TOGARAM1: variants seen among roughly 807,000 people sequenced by gnomAD.
The protein encoded by TOGARAM1 is TOG array regulator of axonemal microtubules 1.
Under a neutral mutation model 166.6 loss-of-function variants are expected in TOGARAM1, and 100 were observed. The observed-to-expected ratio is 0.60, with a 90% CI of 0.51 to 0.71. The LOEUF is 0.71. TOGARAM1 is among the 30% of genes least tolerant of loss of function. The pLI is 0.00. For synonymous variants in TOGARAM1, 758 were observed against 763.8 expected (o/e 0.99, Z 0.13); for missense variants, 2,029 against 2,102.7 (o/e 0.96, Z 0.69).
intron 16 of TOGARAM1, among the ~76,000 whole-genome samples, chr14:45,056,428 G>A (rs1220096663): frequency 6.6e-6 from 1 of 151,988 alleles, no homozygotes; most frequent in Non-Finnish European, 1.5e-5. Context: ...GGTGAAAGTG[G>A]GCATCTTTGA....
At chr14:44,981,858 T>G (rs968966874) in intron 1 of TOGARAM1, among the ~76,000 whole-genome samples, 1 of 150,024 alleles carries the variant, frequency 6.7e-6, no homozygotes, top group Non-Finnish European at 1.5e-5. Flanking sequence ...TTTTTTTTTT[T>G]TTTGAGATGG....
intron 16 of TOGARAM1, among the ~76,000 whole-genome samples, chr14:45,061,639 T>C (rs1419688262): frequency 2.0e-5 from 3 of 152,194 alleles, no homozygotes; most frequent in Admixed American, 2.0e-4. Context: ...AAGATAATTA[T>C]ATTTTTTGTT....
In TOGARAM1 at chr14:45,003,994, G is replaced by A. The variant is rs1004796220; in HGVS notation, c.2339-67G>A. 12 of 1,361,860 alleles carry A rather than the reference G, an allele frequency of 8.8e-6. No individual in the cohort carries two copies. The African/African-American group carries it at 1.7e-4, about 20-fold the overall frequency. The allele number at this position is 1,361,860 out of a possible 1,614,324, so 84.4% of individuals were successfully genotyped here. Reference sequence around the variant, plus strand: ...AAAACCTGAATGGGAAAAGCAAAAAGCAAAAAAGCTTTTAACTGTTAAACT... The same window carrying A: ...AAAACCTGAATGGGAAAAGCAAAAAACAAAAAAGCTTTTAACTGTTAAACT... On this transcript the variant is annotated intron_variant, in intron 3 of 19. Coordinates refer to ENST00000361462, the MANE Select transcript of TOGARAM1 (RefSeq NM_001308120.2).
intron 9 of TOGARAM1, 95 bp from the exon 10 acceptor site, chr14:45,028,081 C>A: frequency 9.6e-7 from 1 of 1,043,628 alleles, no homozygotes; most frequent in Non-Finnish European, 1.4e-6. Context: ...TAGTGACAGA[C>A]TAATATCCTC....
At chr14:45,041,141 G>A (rs1443421875) in intron 11 of TOGARAM1, among the ~76,000 whole-genome samples, 14 of 151,996 alleles carry the variant, frequency 9.2e-5, no homozygotes, top group Admixed American at 7.9e-4. Flanking sequence ...GGTGGCTCAC[G>A]CCTGTAATCT....
intron 14 of TOGARAM1, among the ~76,000 whole-genome samples, chr14:45,048,166 AC>A (rs1329787042): frequency 6.6e-6 from 1 of 151,920 alleles, no homozygotes; most frequent in Non-Finnish European, 1.5e-5. Context: ...ATTCTGGCCA[AC>A]ATGGTGAAAC....
At chr14:44,977,957 C>G (rs1277733035) in intron 1 of TOGARAM1, among the ~76,000 whole-genome samples, 1 of 152,108 alleles carries the variant, frequency 6.6e-6, no homozygotes, top group Non-Finnish European at 1.5e-5. Context: ...GCCTAGCCTT[C>G]TTTTTGAAAA....
intron 15 of TOGARAM1, among the ~76,000 whole-genome samples, chr14:45,054,023 A>T (rs2138976816): frequency 6.6e-6 from 1 of 151,924 alleles, no homozygotes; most frequent in South Asian, 2.1e-4. Flanking sequence ...GGATTACACC[A>T]CCATGCCCAG....
intron 1 of TOGARAM1, among the ~76,000 whole-genome samples, chr14:44,991,608 C>T (rs545982721): frequency 3.1e-4 from 47 of 152,094 alleles, no homozygotes; most frequent in Admixed American, 1.3e-3. Flanking sequence ...AGTGAAAAGT[C>T]GTGGCAAAGA....
At chr14:45,006,641 C>T (rs73352238) in intron 5 of TOGARAM1, 17,204 of 154,730 alleles carry the variant, frequency 0.11, 1,393 homozygotes, top group African/African-American at 0.23. Context: ...GCATAGTTCT[C>T]TCCCCAGTTC....
At chr14:44,983,005 A>G (rs1163625961) in intron 1 of TOGARAM1, among the ~76,000 whole-genome samples, 1 of 152,230 alleles carries the variant, frequency 6.6e-6, no homozygotes, top group Non-Finnish European at 1.5e-5. Context: ...AGATAACAGC[A>G]CAGGGATATA....
intron 16 of TOGARAM1, among the ~76,000 whole-genome samples, chr14:45,065,713 G>T (rs190458631): frequency 3.3e-5 from 5 of 152,296 alleles, no homozygotes; most frequent in Admixed American, 1.3e-4. Flanking sequence ...TCTTAGAAAG[G>T]CCTGCTTAGA....
chr14:45,011,100 CATTCTTCAGTTGGCTTTCTTA>C (rs1356061193), intron 6 of TOGARAM1, among the ~76,000 whole-genome samples: 1 of 152,102 alleles, frequency 6.6e-6, no homozygotes, highest in African/African-American at 2.4e-5. Context: ...TCAGATTTAA[CATTCTTCAGTTGGCTTTCTTA>C]ATGAAAAAAG....
rs202068173 is a variant in TOGARAM1 at position 45,025,752 on chromosome 14, G to A, written c.3239-31G>A. On this transcript the variant is annotated intron_variant, in intron 7 of 19. Coordinates refer to ENST00000361462, the MANE Select transcript of TOGARAM1 (RefSeq NM_001308120.2). ...CTACATAATAAGCAAATATGTTTAAGTATTTGTTTTGTTTTTTGGGGGATT... is the reference window on the plus strand; with the variant it reads ...CTACATAATAAGCAAATATGTTTAAATATTTGTTTTGTTTTTTGGGGGATT... 530 of 1,238,830 alleles carry A rather than the reference G, an allele frequency of 4.3e-4. 3 individuals carry two copies. In the African/African-American group the frequency reaches 7.0e-3, roughly 16 times the overall value. 76.7% of individuals were successfully genotyped at this position (1,238,830 alleles called of 1,614,324 possible).
intron 15 of TOGARAM1, among the ~76,000 whole-genome samples, chr14:45,053,106 T>G (rs919875878): frequency 4.0e-5 from 6 of 148,568 alleles, no homozygotes; most frequent in Non-Finnish European, 1.5e-5. Flanking sequence ...TGGTGTGATC[T>G]CGGCTCACTA....
chr14:45,014,038 G>A (rs145317979), intron 7 of TOGARAM1, among the ~76,000 whole-genome samples: 17 of 146,762 alleles, frequency 1.2e-4, no homozygotes, highest in Non-Finnish European at 1.6e-4. Flanking sequence ...CCAAAGTTGC[G>A]TAATCTTTTT....
chr14:45,060,302 A>G (rs1457473517), intron 16 of TOGARAM1, among the ~76,000 whole-genome samples: 1 of 143,086 alleles, frequency 7.0e-6, no homozygotes, highest in African/African-American at 2.7e-5. Flanking sequence ...TGCAACCTCC[A>G]CCTTTTGGGT....
intron 6 of TOGARAM1, among the ~76,000 whole-genome samples, chr14:45,011,228 A>G (rs894626207): frequency 1.3e-5 from 2 of 152,340 alleles, no homozygotes; most frequent in South Asian, 2.1e-4. Flanking sequence ...TCTCTTACTT[A>G]TAATATAGCC....
chr14:44,988,472 A>G (rs1232340968), intron 1 of TOGARAM1, among the ~76,000 whole-genome samples: 1 of 152,212 alleles, frequency 6.6e-6, no homozygotes, highest in African/African-American at 2.4e-5. Flanking sequence ...TTTTTATAAC[A>G]TAGATAATCT....
Sources: allele counts gnomAD v4.1 joint callset (sites outside exome capture counted in the v4.1 genomes callset), GRCh38; gene constraint gnomAD v4.1.1; transcripts MANE v1.5; gene names NCBI Gene and HGNC (gene_info 2026-07-23, HGNC 2026-07-21).